COL24A1: variants seen among roughly 807,000 people sequenced by gnomAD.
The protein encoded by COL24A1 is collagen type XXIV alpha 1 chain.
In COL24A1, 224 loss-of-function variants were observed where a neutral mutation model predicts 253.9. The ratio of observed to expected loss-of-function variants is 0.88; its 90% confidence interval spans 0.79 to 0.99. The LOEUF is 0.99. Among genes scored for constraint, COL24A1 ranks in the 50% least tolerant of loss-of-function variants. The pLI is 0.00. For synonymous variants in COL24A1, 685 were observed against 673.7 expected (o/e 1.02, Z -0.26); for missense variants, 2,131 against 2,068.5 (o/e 1.03, Z -0.59).
intron 37 of COL24A1, among the ~76,000 whole-genome samples, chr1:85,859,578 C>T (rs958404437): frequency 6.6e-6 from 1 of 152,076 alleles, no homozygotes; most frequent in African/African-American, 2.4e-5. Flanking sequence ...GTATTTTTCT[C>T]TTCAAGGATA....
At chr1:85,818,468 C>T (rs1419666998) in intron 45 of COL24A1, among the ~76,000 whole-genome samples, 4 of 152,158 alleles carry the variant, frequency 2.6e-5, no homozygotes, top group Non-Finnish European at 5.9e-5. Flanking sequence ...GGGACTCTGT[C>T]ATGCGCTTGG....
At chr1:85,846,381 C>A (rs1159721124) in intron 39 of COL24A1, among the ~76,000 whole-genome samples, 2 of 151,808 alleles carry the variant, frequency 1.3e-5, no homozygotes, top group African/African-American at 2.4e-5. Flanking sequence ...AGGGAAAAGA[C>A]TGACAAGTTT....
At chr1:85,875,752 C>T (rs1681085257) in intron 33 of COL24A1, among the ~76,000 whole-genome samples, 1 of 125,268 alleles carries the variant, frequency 8.0e-6, no homozygotes, top group South Asian at 3.2e-4. Context: ...CACACACACA[C>T]ACACACACAC....
intron 19 of COL24A1, among the ~76,000 whole-genome samples, chr1:85,989,032 T>C (rs1234991605): frequency 6.6e-6 from 1 of 152,160 alleles, no homozygotes; most frequent in Non-Finnish European, 1.5e-5. Flanking sequence ...CTATTATTTG[T>C]ATATATGGCA....
chr1:85,894,929 C>T (rs1270169343), intron 31 of COL24A1, among the ~76,000 whole-genome samples: 1 of 152,094 alleles, frequency 6.6e-6, no homozygotes, highest in African/African-American at 2.4e-5. Context: ...AATACTGTAG[C>T]GGCTAAAACA....
intron 37 of COL24A1, among the ~76,000 whole-genome samples, chr1:85,866,240 G>C (rs1380489716): frequency 6.6e-6 from 1 of 152,168 alleles, no homozygotes; most frequent in Non-Finnish European, 1.5e-5. Context: ...TTCTGGGTGA[G>C]AGTGAGACTC....
chr1:86,115,452 T>C, intron 3 of COL24A1, 74 bp from the exon 4 acceptor site: 1 of 1,428,768 alleles, frequency 7.0e-7, no homozygotes, highest in Non-Finnish European at 9.8e-7. Context: ...GAATAAGATT[T>C]CCACCCAAAG....
chr1:85,992,572 G>C (rs534437438), intron 19 of COL24A1, among the ~76,000 whole-genome samples: 17 of 152,038 alleles, frequency 1.1e-4, no homozygotes, highest in African/African-American at 3.6e-4. Context: ...TTGCCAAGTA[G>C]CAAAATTTCA....
At chr1:85,759,871 C>T (rs936733834) in intron 55 of COL24A1, among the ~76,000 whole-genome samples, 1 of 152,216 alleles carries the variant, frequency 6.6e-6, no homozygotes, top group Middle Eastern at 3.4e-3. Context: ...TTTAATTTGC[C>T]AATGACGTAT....
intron 47 of COL24A1, among the ~76,000 whole-genome samples, chr1:85,810,046 C>A (rs930211494): frequency 6.8e-6 from 1 of 147,018 alleles, no homozygotes; most frequent in South Asian, 2.3e-4. Flanking sequence ...AGGAGGTCAG[C>A]AGCACTTGTT....
At chr1:86,031,130 T>A (rs1698532913) in intron 14 of COL24A1, among the ~76,000 whole-genome samples, 1 of 152,102 alleles carries the variant, frequency 6.6e-6, no homozygotes, top group South Asian at 2.1e-4. Context: ...TAAAAAAGAA[T>A]GAGATTCTGT....
rs113020439 is a variant in COL24A1 at position 85,730,765 on chromosome 1, A to G, written c.4999-73T>C. The G allele has an allele frequency of 1.6e-5, 23 of 1,472,304 alleles. 1 individual carries two copies. The African/African-American group carries it at 1.8e-4, about 12-fold the overall frequency. 91.2% of individuals were successfully genotyped at this position (1,472,304 alleles called of 1,614,324 possible). ...ACTTTCAGTAGACAATGCCTTTCACAGATAATGTGAACTTGTTTTAAGGAT... is the reference window on the plus strand; with the variant it reads ...ACTTTCAGTAGACAATGCCTTTCACGGATAATGTGAACTTGTTTTAAGGAT... On this transcript the variant is annotated intron_variant, in intron 59 of 59. Transcript: ENST00000370571.
intron 19 of COL24A1, among the ~76,000 whole-genome samples, chr1:86,001,308 C>CA (rs1222206865): frequency 1.3e-5 from 2 of 152,180 alleles, no homozygotes; most frequent in African/African-American, 4.8e-5. Context: ...GCATTTACAA[C>CA]AAAAACTTCA....
intron 35 of COL24A1, among the ~76,000 whole-genome samples, chr1:85,871,049 A>G (rs941284270): frequency 3.9e-5 from 6 of 152,226 alleles, no homozygotes; most frequent in African/African-American, 9.6e-5. Flanking sequence ...ACAAACTACC[A>G]TCAGAGAATA....
intron 32 of COL24A1, among the ~76,000 whole-genome samples, chr1:85,879,267 G>GTT (rs1460895416): frequency 6.6e-6 from 1 of 151,788 alleles, no homozygotes; most frequent in Non-Finnish European, 1.5e-5. Context: ...GTGTGTGTGT[G>GTT]TGTGTGTGTG....
chr1:85,743,055 G>T (rs756854656), intron 57 of COL24A1, among the ~76,000 whole-genome samples: 34 of 152,164 alleles, frequency 2.2e-4, no homozygotes, highest in Non-Finnish European at 4.3e-4. Flanking sequence ...CTTCCTGATT[G>T]TATTTGCAAC....
At chr1:85,990,253 T>A (rs758097306) in intron 19 of COL24A1, among the ~76,000 whole-genome samples, 3 of 152,228 alleles carry the variant, frequency 2.0e-5, no homozygotes, top group Non-Finnish European at 2.9e-5. Flanking sequence ...ATAAATCCTG[T>A]CCATCCTCCA....
chr1:85,979,896 C>T (rs1196850525), intron 20 of COL24A1, among the ~76,000 whole-genome samples: 2 of 152,058 alleles, frequency 1.3e-5, no homozygotes, highest in African/African-American at 4.8e-5. Flanking sequence ...AGAGAAACTA[C>T]AGAACAATAT....
chr1:86,059,332 C>A lies in COL24A1; in HGVS notation c.1753-158G>T, dbSNP rs142441287. ...AATCACCTACGTGAAGGAAAATGGA[C>A]AAAAATTGCTAAATAAAATCAGTAA... On this transcript the variant is annotated intron_variant, in intron 8 of 59. Coordinates refer to ENST00000370571, the MANE Select transcript of COL24A1 (RefSeq NM_152890.7). Among the ~76,000 whole-genome samples, 90 of 152,018 alleles carry A rather than the reference C, an allele frequency of 5.9e-4. 2 individuals carry two copies. The East Asian group carries it at 0.014, about 24-fold the overall frequency.
Sources: gnomAD v4.1 joint callset for allele counts (sites outside exome capture counted in the v4.1 genomes callset) on GRCh38, gnomAD v4.1.1 for gene constraint, MANE v1.5 for transcripts, NCBI Gene and HGNC (gene_info 2026-07-23, HGNC 2026-07-21) for gene names.